Variants in ADK observed in about 807,000 individuals in gnomAD.
ADK encodes N6,N6-dimethyladenosine kinase.
ADK carries 24 observed loss-of-function variants against 44.7 expected under a neutral mutation model. The ratio of observed to expected loss-of-function variants is 0.54; its 90% CI spans 0.39 to 0.76. The LOEUF (loss-of-function observed/expected upper bound fraction) is 0.76. Among genes scored for constraint, ADK ranks in the 30% least tolerant of loss-of-function variants. ADK has a pLI of 0.00. For missense variants in ADK, 321 were observed against 425.1 expected, an observed-to-expected ratio of 0.76 and a Z score of 2.15; for synonymous variants, 128 against 142.6, an observed-to-expected ratio of 0.90 and a Z score of 0.73.
At chr10:74,154,768 C>T (rs1276096772) in intron 1 of ADK, among the ~76,000 whole-genome samples, 2 of 152,208 alleles carry the variant, frequency 1.3e-5, no homozygotes, top group African/African-American at 2.4e-5. Context: ...CATTTTACAT[C>T]CACATTATAA....
At chr10:74,651,124 A>G (rs987265321) in intron 9 of ADK, among the ~76,000 whole-genome samples, 3 of 152,212 alleles carry the variant, frequency 2.0e-5, no homozygotes, top group Admixed American at 6.5e-5. Flanking sequence ...AGCTAGGGAT[A>G]GTTTAGAACC....
At chr10:74,394,498 T>C (rs558393787) in intron 5 of ADK, among the ~76,000 whole-genome samples, 185 bp downstream of exon 5, 1 of 152,340 alleles carries the variant, frequency 6.6e-6, no homozygotes, top group East Asian at 1.9e-4. Flanking sequence ...TGCAGTTGAA[T>C]TCATGAGGCA....
chr10:74,436,478 C>CAAAA (rs34848555), intron 6 of ADK, among the ~76,000 whole-genome samples: 1 of 140,502 alleles, frequency 7.1e-6, no homozygotes, highest in Non-Finnish European at 1.5e-5. Context: ...TTACTGTCTC[C>CAAAA]AAAAAAAAAA....
chr10:74,706,577 G>T (rs1856610561), intron 10 of ADK, among the ~76,000 whole-genome samples: 1 of 152,094 alleles, frequency 6.6e-6, no homozygotes, highest in African/African-American at 2.4e-5. Flanking sequence ...TTTATTTCTG[G>T]ACTCTGTTCA....
At chr10:74,679,336 TG>T (rs1011606735) in intron 10 of ADK, among the ~76,000 whole-genome samples, 127 of 152,332 alleles carry the variant, frequency 8.3e-4, no homozygotes, top group African/African-American at 2.9e-3. Flanking sequence ...TAAAACTAAA[TG>T]TATTCAGTTT....
At chr10:74,657,511 G>A (rs576947328) in intron 9 of ADK, among the ~76,000 whole-genome samples, 2 of 152,242 alleles carry the variant, frequency 1.3e-5, no homozygotes, top group South Asian at 2.1e-4. Flanking sequence ...ATTTGCTTCC[G>A]TGGTTTACTA....
intron 10 of ADK, among the ~76,000 whole-genome samples, chr10:74,700,046 G>T (rs1300343927): frequency 2.0e-5 from 3 of 152,044 alleles, no homozygotes; most frequent in Non-Finnish European, 1.5e-5. Context: ...CTGAAGATAC[G>T]CCCCTAATAA....
intron 2 of ADK, among the ~76,000 whole-genome samples, chr10:74,204,870 G>A (rs1235504122): frequency 6.6e-6 from 1 of 151,588 alleles, no homozygotes; most frequent in Non-Finnish European, 1.5e-5. Context: ...AAAACCCTGT[G>A]TCTACTAAAA....
At chr10:74,510,870 G>C (rs1848287498) in intron 6 of ADK, among the ~76,000 whole-genome samples, 1 of 152,044 alleles carries the variant, frequency 6.6e-6, no homozygotes, top group South Asian at 2.1e-4. Context: ...ACCATGCCTG[G>C]CTAATTTTTA....
chr10:74,377,824 C>G (rs1260632892), intron 4 of ADK, among the ~76,000 whole-genome samples: 1 of 152,190 alleles, frequency 6.6e-6, no homozygotes, highest in African/African-American at 2.4e-5. Flanking sequence ...CCTATCTCAT[C>G]AAGGCCGGGA....
chr10:74,304,365 A>G (rs1483505959), intron 3 of ADK, among the ~76,000 whole-genome samples: 1 of 152,182 alleles, frequency 6.6e-6, no homozygotes, highest in Non-Finnish European at 1.5e-5. Flanking sequence ...GTTCAAGGTA[A>G]ATGAAATGAA....
At chr10:74,200,666 T>C in intron 1 of ADK, 98 bp from the exon 2 acceptor site, 1 of 818,528 alleles carries the variant, frequency 1.2e-6, no homozygotes, top group Non-Finnish European at 2.1e-6. Context: ...AGGTTTATTT[T>C]CAGGTTGAAA....
At chr10:74,525,466 TTTG>T (rs1244646484) in intron 7 of ADK, 40 bp downstream of exon 7, 5 of 1,378,302 alleles carry the variant, frequency 3.6e-6, no homozygotes, top group Non-Finnish European at 5.0e-6. Context: ...CTGGGGGTTT[TTTG>T]TTTGTTTATT....
At chr10:74,324,003 A>G (rs1564653945) in intron 4 of ADK, among the ~76,000 whole-genome samples, 2 of 151,812 alleles carry the variant, frequency 1.3e-5, no homozygotes. Flanking sequence ...TTTTGTTTCT[A>G]TAGGTTTGCC....
chr10:74,321,791 C>T (rs1416023103), intron 4 of ADK, among the ~76,000 whole-genome samples: 2 of 152,030 alleles, frequency 1.3e-5, no homozygotes, highest in African/African-American at 2.4e-5. Flanking sequence ...TAAGTGTTTT[C>T]TTGATGTAAA....
intron 6 of ADK, among the ~76,000 whole-genome samples, chr10:74,512,898 C>T (rs1303288802): frequency 1.3e-5 from 2 of 151,624 alleles, no homozygotes; most frequent in Non-Finnish European, 1.5e-5. Flanking sequence ...GCATTTATTC[C>T]TATAAACTTG....
chr10:74,547,635 C>T (rs986343182), intron 7 of ADK, among the ~76,000 whole-genome samples: 1 of 151,156 alleles, frequency 6.6e-6, no homozygotes, highest in Non-Finnish European at 1.5e-5. Context: ...GCGCGCACCA[C>T]CATGCCCAGC....
At position 74,492,490 on chromosome 10, in the gene ADK, T is replaced by G. The variant is rs377531362; in HGVS notation, c.556-32766T>G. 2.2e-4 allele frequency among the ~76,000 whole-genome samples: 34 copies of G among 152,198 alleles called. 1 individual carries two copies. Among genetic ancestry groups the G allele is most frequent in the Middle Eastern group, 6.8e-3 (2 of 294 alleles). On this transcript the variant is annotated intron_variant, in intron 6 of 10. Transcript: ENST00000539909. ...AGAAGAAGAAAACAGAATAAGCTCATGGACTGTTATAAAGGCAATAAATGT... is the reference window on the plus strand; with the variant it reads ...AGAAGAAGAAAACAGAATAAGCTCAGGGACTGTTATAAAGGCAATAAATGT...
chr10:74,542,922 A>T (rs1051654119), intron 7 of ADK, among the ~76,000 whole-genome samples: 3 of 151,520 alleles, frequency 2.0e-5, no homozygotes, highest in Admixed American at 6.6e-5. Flanking sequence ...TTTTAATGAG[A>T]TGGAGTCTCG....
Sources: gnomAD v4.1 joint callset for allele counts (sites outside exome capture counted in the v4.1 genomes callset) on GRCh38, gnomAD v4.1.1 for gene constraint, MANE v1.5 for transcripts, NCBI Gene and HGNC (gene_info 2026-07-23, HGNC 2026-07-21) for gene names.